DPRX: variants seen among roughly 807,000 people sequenced by gnomAD.
The protein encoded by DPRX is divergent paired-related homeobox.
DPRX carries 11 observed loss-of-function variants against 8.4 expected under a neutral mutation model. That is an observed-to-expected ratio of 1.31 (90% CI 0.82 to 2.17). The LOEUF (loss-of-function observed/expected upper bound fraction) is 2.17, where lower values mean the gene tolerates loss of function less well. Ranked by LOEUF, DPRX falls within the 30% of genes most tolerant of loss-of-function variation. The probability of loss-of-function intolerance (pLI) is 0.00; values close to 1 mark genes in which losing one functional copy is unlikely to be tolerated. For missense variants in DPRX, 211 were observed against 236.7 expected, an observed-to-expected ratio of 0.89 and a Z score of 0.71; for synonymous variants, 72 against 87.0, an observed-to-expected ratio of 0.83 and a Z score of 0.96.
upstream of DPRX, among the ~76,000 whole-genome samples, chr19:53,627,329 C>T (rs2091075079): frequency 6.6e-6 from 1 of 151,958 alleles, no homozygotes; most frequent in Non-Finnish European, 1.5e-5. Context: ...CTCCAGTAAG[C>T]ATCACTGAGA....
chr19:53,611,703 G>A, the DPRX span, among the ~76,000 whole-genome samples: 30 of 152,262 alleles, frequency 2.0e-4, no homozygotes, highest in South Asian at 1.0e-3. Context: ...TACGTTAACC[G>A]AATAGTGAGT....
the DPRX span, among the ~76,000 whole-genome samples, chr19:53,622,775 G>A: frequency 5.6e-4 from 85 of 152,100 alleles, 1 homozygote; most frequent in Admixed American, 2.7e-3. Context: ...AAGACATCAC[G>A]CCAGATAAGG....
chr19:53,633,674 T>C (rs568458778), intron 1 of DPRX, among the ~76,000 whole-genome samples: 1 of 152,200 alleles, frequency 6.6e-6, no homozygotes, highest in African/African-American at 2.4e-5. Context: ...CACGCCCAGC[T>C]AATTTTTGTA....
chr19:53,630,270 C>G (rs1221373037), upstream of DPRX, among the ~76,000 whole-genome samples: 1 of 150,854 alleles, frequency 6.6e-6, no homozygotes, highest in East Asian at 2.0e-4. Context: ...TGTGAATTGC[C>G]CTCCAGCCTG....
At chr19:53,617,472 T>C in the DPRX span, among the ~76,000 whole-genome samples, 1 of 149,208 alleles carries the variant, frequency 6.7e-6, no homozygotes, top group Non-Finnish European at 1.5e-5. Flanking sequence ...GCAGGAGAAT[T>C]GCTTGAACCC....
At chr19:53,610,100 G>A in the DPRX span, among the ~76,000 whole-genome samples, 11 of 146,652 alleles carry the variant, frequency 7.5e-5, no homozygotes, top group East Asian at 2.0e-4. Flanking sequence ...GCCGTGAGCC[G>A]AGATTGGGCC....
intron 1 of DPRX, among the ~76,000 whole-genome samples, chr19:53,633,153 G>A (rs1486232250): frequency 7.9e-5 from 12 of 152,056 alleles, no homozygotes; most frequent in Non-Finnish European, 1.8e-4. Flanking sequence ...AAAATTAGCC[G>A]GGCATGTCAG....
the DPRX span, among the ~76,000 whole-genome samples, chr19:53,615,783 G>A: frequency 2.6e-5 from 4 of 151,002 alleles, no homozygotes; most frequent in Admixed American, 2.6e-4. Flanking sequence ...TTCCTGTTAT[G>A]GTTAGCATTT....
upstream of DPRX, among the ~76,000 whole-genome samples, chr19:53,629,175 G>A (rs889652451): frequency 8.6e-5 from 13 of 151,484 alleles, no homozygotes; most frequent in African/African-American, 1.9e-4. Context: ...TTAGCCAGGC[G>A]TGTTAGTGCA....
the DPRX span, among the ~76,000 whole-genome samples, chr19:53,610,132 CAA>C: frequency 1.0e-5 from 1 of 100,142 alleles, no homozygotes; most frequent in African/African-American, 4.3e-5. Flanking sequence ...GCCTGGGTGA[CAA>C]GAGCAAAACT....
At chr19:53,627,095 G>T (rs2091074317), upstream of DPRX, among the ~76,000 whole-genome samples, 1 of 152,078 alleles carries the variant, frequency 6.6e-6, no homozygotes, top group African/African-American at 2.4e-5. Flanking sequence ...AGCCCTATTT[G>T]CGCAGTAGAA....
chr19:53,633,799 T>C (rs183408090), intron 1 of DPRX, among the ~76,000 whole-genome samples: 2 of 151,382 alleles, frequency 1.3e-5, no homozygotes, highest in Admixed American at 6.6e-5. Flanking sequence ...TGAGCCACTG[T>C]GCCCGGCCAA....
chr19:53,607,765 CGCTTGAACCCGGGAG>C, the DPRX span, among the ~76,000 whole-genome samples: 1 of 150,960 alleles, frequency 6.6e-6, no homozygotes. Flanking sequence ...GCAGGAGAAT[CGCTTGAACCCGGGAG>C]GCAGAGGTTG....
the DPRX span, among the ~76,000 whole-genome samples, chr19:53,618,079 C>A: frequency 6.6e-6 from 1 of 150,730 alleles, no homozygotes; most frequent in Non-Finnish European, 1.5e-5. Flanking sequence ...GAGGCGGAGG[C>A]TGCAGTGAGC....
the DPRX span, among the ~76,000 whole-genome samples, chr19:53,615,450 T>C: frequency 6.6e-6 from 1 of 151,712 alleles, no homozygotes; most frequent in Non-Finnish European, 1.5e-5. Flanking sequence ...CTGGCTAATT[T>C]TTGTATTTTT....
upstream of DPRX, chr19:53,631,972 G>C: frequency 1.7e-6 from 2 of 1,184,260 alleles, no homozygotes; most frequent in Admixed American, 3.7e-5. Flanking sequence ...GATCATATTG[G>C]AGGCAGATAG....
chr19:53,611,629 A>G, the DPRX span, among the ~76,000 whole-genome samples: 1 of 152,190 alleles, frequency 6.6e-6, no homozygotes, highest in Non-Finnish European at 1.5e-5. Context: ...AAAAACATTG[A>G]CAATGCTTAA....
chr19:53,601,374 T>A, the DPRX span: 1 of 456,452 alleles, frequency 2.2e-6, no homozygotes, highest in East Asian at 7.0e-5. Context: ...CAGGGGGACC[T>A]GCAGGCAAAG....
intron 2 of DPRX, among the ~76,000 whole-genome samples, chr19:53,635,823 G>C (rs1905787088): frequency 6.7e-6 from 1 of 148,200 alleles, no homozygotes; most frequent in Admixed American, 6.6e-5. Flanking sequence ...TACAAAGACA[G>C]GGGGTGGTCA....
Sources: gnomAD v4.1 joint callset for allele counts (sites outside exome capture counted in the v4.1 genomes callset) on GRCh38, gnomAD v4.1.1 for gene constraint, MANE v1.5 for transcripts, NCBI Gene and HGNC (gene_info 2026-07-23, HGNC 2026-07-21) for gene names.